Variants in HHIP observed in about 807,000 individuals in gnomAD.
The protein encoded by HHIP is hedgehog-interacting protein.
HHIP carries 12 observed loss-of-function variants against 74.0 expected under a neutral mutation model. The observed-to-expected ratio is 0.16, with a 90% CI of 0.10 to 0.26. The LOEUF is 0.26. HHIP is among the 10% of genes least tolerant of loss of function. The pLI is 1.00. For synonymous variants in HHIP, 309 were observed against 311.6 expected (o/e 0.99, Z 0.09); for missense variants, 788 against 845.0 (o/e 0.93, Z 0.84).
In HHIP at chr4:144,666,980, A is replaced by G. The variant is rs1728881836; in HGVS notation, c.831+7142A>G. ...CATCATCTAACATACTAACATAAAA[A>G]GGAGGGGAAGAAGGAAAATATGCAT... On this transcript the variant is annotated intron_variant, in intron 4 of 12. Coordinates refer to ENST00000296575, the MANE Select transcript of HHIP (RefSeq NM_022475.3). Among the ~76,000 whole-genome samples the G allele has an allele frequency of 2.0e-5, 3 of 152,232 alleles. No homozygotes were observed. In the South Asian group the frequency reaches 6.2e-4, roughly 32 times the overall value.
chr4:144,691,194 C>G (rs1318848460), intron 4 of HHIP, among the ~76,000 whole-genome samples: 1 of 152,100 alleles, frequency 6.6e-6, no homozygotes, highest in Non-Finnish European at 1.5e-5. Flanking sequence ...CTTCCTTTAT[C>G]GTTTTCACAG....
intron 4 of HHIP, among the ~76,000 whole-genome samples, chr4:144,669,731 T>A (rs1728979727): frequency 6.6e-6 from 1 of 152,196 alleles, no homozygotes; most frequent in Non-Finnish European, 1.5e-5. Context: ...AAACTGAAGC[T>A]TAACACAAAA....
At chr4:144,664,500 T>C (rs978492061) in intron 4 of HHIP, among the ~76,000 whole-genome samples, 5 of 152,256 alleles carry the variant, frequency 3.3e-5, no homozygotes, top group Admixed American at 6.5e-5. Flanking sequence ...TTTTTTTCTT[T>C]GACTTGCAAT....
Position 144,712,005 on chromosome 4 carries a change from T to G in HHIP, c.1357T>G (p.Ser453Ala). 8 of 1,611,676 alleles carry G rather than the reference T, an allele frequency of 5.0e-6. No individual in the cohort carries two copies. The highest frequency in any genetic ancestry group is 6.8e-6 in the Non-Finnish European group (8 of 1,177,976). ...DININLTILC[S>A]DSNGKNRSSA... ...AAACATCAATTTAACGATACTGTGT[T>G]CAGACTCCAATGGAAAAAACAGATC... is the stretch of plus-strand genomic sequence containing the variant. The change falls in exon 8 of 13, where the codon TCA becomes GCA. Residue 453 changes from serine to alanine, a missense_variant. By Grantham distance (99) the Ser-to-Ala change is moderately conservative. Around this residue, in one of 3 missense-constraint regions of HHIP, gnomAD observed 343 missense variants for 347.9 expected, o/e 0.99. Transcript: ENST00000296575.
Position 144,649,235 on chromosome 4 carries a change from GA to G in HHIP, c.279+2292del, listed in dbSNP as rs34147694. Among the ~76,000 whole-genome samples, 1,176 of 147,026 alleles carry G rather than the reference GA, an allele frequency of 8.0e-3. 20 individuals are homozygous for G. The highest frequency in any genetic ancestry group is 0.039 in the South Asian group (179 of 4,644). ...AAAGGGCCCTTTTTTGTTTATGGAA[GA>G]AAAAAAAAAATTCCCCAGAAAGATT... On this transcript the variant is annotated intron_variant, in intron 1 of 12. Coordinates refer to ENST00000296575, the MANE Select transcript of HHIP (RefSeq NM_022475.3).
chr4:144,715,176 C>A, intron 9 of HHIP, 124 bp from the exon 10 acceptor site: 1 of 822,392 alleles, frequency 1.2e-6, no homozygotes, highest in Non-Finnish European at 1.9e-6. Flanking sequence ...TGTTATTTTT[C>A]CCTTTAGAAG....
At chr4:144,674,942 C>T (rs1165675089) in intron 4 of HHIP, among the ~76,000 whole-genome samples, 2 of 152,108 alleles carry the variant, frequency 1.3e-5, no homozygotes, top group Admixed American at 6.6e-5. Flanking sequence ...AGGGGGATGA[C>T]CTTTAACTTC....
intron 4 of HHIP, among the ~76,000 whole-genome samples, chr4:144,660,737 C>A (rs1050423748): frequency 4.6e-5 from 7 of 152,120 alleles, no homozygotes; most frequent in Non-Finnish European, 8.8e-5. Context: ...CTATCTATTT[C>A]ATTTTCTTAT....
chr4:144,714,738 C>T (rs966054445), intron 9 of HHIP, among the ~76,000 whole-genome samples: 1 of 151,930 alleles, frequency 6.6e-6, no homozygotes, highest in Non-Finnish European at 1.5e-5. Flanking sequence ...TTTGGTTTTG[C>T]CAAATTTTCA....
At chr4:144,696,040 C>T (rs898653166) in intron 4 of HHIP, among the ~76,000 whole-genome samples, 2 of 149,812 alleles carry the variant, frequency 1.3e-5, no homozygotes, top group African/African-American at 5.1e-5. Context: ...ACTTGAGAAG[C>T]TTCTTATGTT....
intron 8 of HHIP, among the ~76,000 whole-genome samples, chr4:144,713,436 C>T (rs570431508): frequency 4.6e-5 from 7 of 152,264 alleles, no homozygotes; most frequent in South Asian, 4.1e-4. Context: ...AAATTACTAT[C>T]TTTTCACAAA....
At chr4:144,665,242 T>C (rs1287423839) in intron 4 of HHIP, among the ~76,000 whole-genome samples, 1 of 152,008 alleles carries the variant, frequency 6.6e-6, no homozygotes, top group Non-Finnish European at 1.5e-5. Context: ...CTAATTTTTG[T>C]AGTTTTAGTA....
chr4:144,725,659 CGTGCGT>C (rs1363418132), intron 11 of HHIP, among the ~76,000 whole-genome samples: 2 of 141,814 alleles, frequency 1.4e-5, no homozygotes, highest in Admixed American at 1.4e-4. Context: ...GGTGTGTGCG[CGTGCGT>C]GTGTGTGTGT....
In HHIP at chr4:144,742,375, A is replaced by G. The variant is rs1246576219; in HGVS notation, c.*4418A>G. Reference sequence around the variant, plus strand: ...AAATAAGGAAGAGCAGAAATCACTAACAGTCCAGAGGCTCCAATTCAGCTG... The same window carrying G: ...AAATAAGGAAGAGCAGAAATCACTAGCAGTCCAGAGGCTCCAATTCAGCTG... On this transcript the variant is annotated 3_prime_UTR_variant, in exon 13 of 13. Transcript: ENST00000296575. 2 of 152,190 alleles carry G rather than the reference A, an allele frequency of 1.3e-5. No individual in the cohort carries two copies. Among genetic ancestry groups the G allele is most frequent in the East Asian group, 3.8e-4 (2 of 5,202 alleles). The allele number at this position is 152,190 out of a possible 1,614,324, so 9.4% of individuals were successfully genotyped here.
chr4:144,705,262 C>G (rs6817771), intron 4 of HHIP, among the ~76,000 whole-genome samples: 78,906 of 152,062 alleles, frequency 0.52, 21,553 homozygotes, highest in South Asian at 0.75. Context: ...AAAATAAGAA[C>G]TACAAACAGT....
At chr4:144,722,456 G>A (rs1366427024) in intron 11 of HHIP, among the ~76,000 whole-genome samples, 1 of 152,116 alleles carries the variant, frequency 6.6e-6, no homozygotes, top group Non-Finnish European at 1.5e-5. Context: ...TAATTTTTGT[G>A]TGTTTATTCC....
At chr4:144,713,653 C>A (rs1730362087) in intron 8 of HHIP, among the ~76,000 whole-genome samples, 2 of 152,100 alleles carry the variant, frequency 1.3e-5, no homozygotes. Flanking sequence ...TTGTTATCCA[C>A]ACAACTCTAT....
rs968443728 is a variant in HHIP at position 144,738,855 on chromosome 4, C to A, written c.*898C>A. The A allele has an allele frequency of 5.6e-5, 11 of 194,900 alleles. No individual in the cohort carries two copies. The highest frequency in any genetic ancestry group is 7.5e-5 in the Non-Finnish European group (8 of 106,776). The allele number at this position is 194,900 out of a possible 1,614,324, so 12.1% of individuals were successfully genotyped here. A position where few individuals can be genotyped will look rare whatever the true frequency, so the allele number is the denominator to read the frequency against. On this transcript the variant is annotated 3_prime_UTR_variant, in exon 13 of 13. Transcript: ENST00000296575. ...CTGTGGATCTAATCTAGCAAGGTAT[C>A]CTTGTGCCAACATGTAATCATTAAC...
intron 1 of HHIP, among the ~76,000 whole-genome samples, chr4:144,651,735 A>C (rs1728432798): frequency 6.8e-6 from 1 of 147,246 alleles, no homozygotes; most frequent in African/African-American, 2.4e-5. Flanking sequence ...TCAGGTTTTT[A>C]AAGTTACTGC....
Sources: gnomAD v4.1 joint callset for allele counts (sites outside exome capture counted in the v4.1 genomes callset) on GRCh38, gnomAD v4.1.1 for gene constraint, gnomAD v4.1.1 regional missense constraint, MANE v1.5 for transcripts, NCBI Gene and HGNC (gene_info 2026-07-23, HGNC 2026-07-21) for gene names.